Variants in LSAMP observed in about 807,000 individuals in gnomAD.
The protein encoded by LSAMP is limbic system associated membrane protein, also known as limbic system-associated membrane protein.
LSAMP carries 7 observed loss-of-function variants against 38.6 expected under a neutral mutation model. The ratio of observed to expected loss-of-function variants is 0.18; its 90% CI spans 0.10 to 0.34. The LOEUF is 0.34. Among genes scored for constraint, LSAMP ranks in the 10% least tolerant of loss-of-function variants. The pLI, the probability that LSAMP is intolerant of heterozygous loss-of-function variation, is 1.00. For synonymous variants in LSAMP, 154 were observed against 166.8 expected (o/e 0.92, Z 0.59); for missense variants, 313 against 420.0 (o/e 0.75, Z 2.23).
intron 6 of LSAMP, among the ~76,000 whole-genome samples, chr3:115,816,341 A>G (rs553845644): frequency 1.3e-5 from 2 of 152,310 alleles, no homozygotes; most frequent in East Asian, 3.9e-4. Flanking sequence ...TAAGAAAGGG[A>G]AAGTAGGAAC....
At position 116,354,052 on chromosome 3, in the gene LSAMP, T is replaced by C. The variant is rs748259494; in HGVS notation, c.155+90825A>G. Among the ~76,000 whole-genome samples, 146 of 152,230 alleles carry C rather than the reference T, an allele frequency of 9.6e-4. 1 individual carries two copies. The highest frequency in any genetic ancestry group is 1.7e-3 in the Non-Finnish European group (114 of 67,976). On this transcript the variant is annotated intron_variant, in intron 1 of 6. Coordinates refer to ENST00000490035, the MANE Select transcript of LSAMP (RefSeq NM_002338.5). The stretch of plus-strand genomic sequence containing the variant: ...GGATCTGCTAAAACCCTTCCCACAT[T>C]TTCCTTTTCACCCTTGAAGCTGGAG...
At chr3:116,375,521 G>C (rs1026039227) in intron 1 of LSAMP, among the ~76,000 whole-genome samples, 4 of 151,648 alleles carry the variant, frequency 2.6e-5, no homozygotes, top group Admixed American at 2.6e-4. Flanking sequence ...TTTTCCCACA[G>C]GATTTTTTTT....
intron 2 of LSAMP, among the ~76,000 whole-genome samples, chr3:116,065,834 G>C (rs1707415413): frequency 6.6e-6 from 1 of 152,172 alleles, no homozygotes; most frequent in Non-Finnish European, 1.5e-5. Flanking sequence ...GAATCCAACA[G>C]ACCTGAGCTC....
In LSAMP at chr3:116,208,836, T is replaced by G. The variant is rs986027680; in HGVS notation, c.156-122280A>C. Among the ~76,000 whole-genome samples, 23 of 152,280 alleles carry G rather than the reference T, an allele frequency of 1.5e-4. No individual in the cohort carries two copies. The East Asian group carries it at 1.6e-3, about 10-fold the overall frequency. ...GACAGGGACATTTAAGTTTGCAGAG[T>G]TTACTGCTGTCTTTTTGTTTGTCTG... is the stretch of plus-strand genomic sequence containing the variant. On this transcript the variant is annotated intron_variant, in intron 1 of 6. Transcript: ENST00000490035.
At chr3:115,890,925 A>G (rs1936581981) in intron 3 of LSAMP, among the ~76,000 whole-genome samples, 2 of 151,892 alleles carry the variant, frequency 1.3e-5, no homozygotes, top group East Asian at 1.9e-4. Flanking sequence ...ATCCCATTTC[A>G]GTATCCTGTA....
chr3:116,311,564 G>A (rs897175517), intron 1 of LSAMP, among the ~76,000 whole-genome samples: 1 of 152,106 alleles, frequency 6.6e-6, no homozygotes, highest in African/African-American at 2.4e-5. Context: ...CTGTGTTTGA[G>A]CTCCATCCTT....
At chr3:116,243,532 AT>A (rs1405627808) in intron 1 of LSAMP, among the ~76,000 whole-genome samples, 1 of 152,202 alleles carries the variant, frequency 6.6e-6, no homozygotes, top group Non-Finnish European at 1.5e-5. Flanking sequence ...TCAAATACCT[AT>A]TCAAAATTTT....
chr3:116,279,076 A>G (rs1336647776), intron 1 of LSAMP, among the ~76,000 whole-genome samples: 1 of 152,198 alleles, frequency 6.6e-6, no homozygotes, highest in Non-Finnish European at 1.5e-5. Context: ...CCATTTAAAT[A>G]AAATTTGGAC....
At chr3:116,219,769 C>A (rs1357942210) in intron 1 of LSAMP, among the ~76,000 whole-genome samples, 1 of 151,842 alleles carries the variant, frequency 6.6e-6, no homozygotes, top group African/African-American at 2.4e-5. Flanking sequence ...ACAAATAACT[C>A]AAAAAAATAA....
rs1377311219 is a variant in LSAMP, at chr3:116,445,153, T to C, written c.-122A>G. On this transcript the variant is annotated 5_prime_UTR_variant, in exon 1 of 7. Coordinates refer to ENST00000490035, the MANE Select transcript of LSAMP (RefSeq NM_002338.5). ...CGAGCGCAGAGCGGGCTTTGCCAGT[T>C]TATGGTCCTTTCCACTTTGCCTCTC... The C allele has an allele frequency of 1.1e-6, 1 of 936,364 alleles. No homozygotes were observed. Among genetic ancestry groups the C allele is most frequent in the African/African-American group, 1.7e-5 (1 of 60,334 alleles). 58.0% of individuals were successfully genotyped at this position (936,364 alleles called of 1,614,324 possible).
intron 1 of LSAMP, among the ~76,000 whole-genome samples, chr3:116,289,406 T>G (rs189279001): frequency 1.3e-5 from 2 of 152,220 alleles, no homozygotes; most frequent in Non-Finnish European, 1.5e-5. Flanking sequence ...GTATTTAACT[T>G]AGAACAAATT....
At chr3:115,852,767 C>G in intron 3 of LSAMP, 150 bp from the exon 4 acceptor site, 1 of 711,608 alleles carries the variant, frequency 1.4e-6, no homozygotes, top group Non-Finnish European at 2.2e-6. Flanking sequence ...CAGAAGCAGA[C>G]CTCAAGACAA....
intron 4 of LSAMP, among the ~76,000 whole-genome samples, chr3:115,847,011 T>A (rs1188724682): frequency 1.3e-5 from 2 of 152,096 alleles, no homozygotes; most frequent in East Asian, 3.9e-4. Context: ...ATCTCACAGG[T>A]TTGAAGTAAA....
intron 3 of LSAMP, among the ~76,000 whole-genome samples, chr3:115,986,764 A>G (rs112503569): frequency 4.6e-5 from 7 of 152,242 alleles, no homozygotes; most frequent in African/African-American, 1.4e-4. Flanking sequence ...ATATCTCACC[A>G]CTAGGTGGGA....
intron 3 of LSAMP, among the ~76,000 whole-genome samples, chr3:115,889,121 T>C (rs543348535): frequency 2.0e-5 from 3 of 151,962 alleles, no homozygotes; most frequent in African/African-American, 7.2e-5. Flanking sequence ...GGGTAGGAAG[T>C]TGGGGTCCTT....
At chr3:116,210,409 C>G (rs2046139850) in intron 1 of LSAMP, among the ~76,000 whole-genome samples, 1 of 152,210 alleles carries the variant, frequency 6.6e-6, no homozygotes, top group South Asian at 2.1e-4. Context: ...GCTGCGTCTT[C>G]CGGCCTCCAT....
At chr3:116,357,303 G>C (rs1157682782) in intron 1 of LSAMP, among the ~76,000 whole-genome samples, 1 of 152,034 alleles carries the variant, frequency 6.6e-6, no homozygotes, top group Non-Finnish European at 1.5e-5. Context: ...AAATGAAAAC[G>C]CTGTTTTATT....
chr3:116,134,973 A>G (rs1369453074), intron 1 of LSAMP, among the ~76,000 whole-genome samples: 1 of 152,186 alleles, frequency 6.6e-6, no homozygotes, highest in Non-Finnish European at 1.5e-5. Flanking sequence ...AATGTTATTG[A>G]TGGACTGTTT....
intron 1 of LSAMP, among the ~76,000 whole-genome samples, chr3:116,441,220 C>T (rs543689397): frequency 4.6e-5 from 7 of 152,212 alleles, no homozygotes; most frequent in Admixed American, 4.6e-4. Flanking sequence ...TTATAATATC[C>T]TGTAAACATC....
Sources: gnomAD v4.1 joint callset for allele counts (sites outside exome capture counted in the v4.1 genomes callset) on GRCh38, gnomAD v4.1.1 for gene constraint, MANE v1.5 for transcripts, NCBI Gene and HGNC (gene_info 2026-07-23, HGNC 2026-07-21) for gene names.